Variants in BAIAP2L1 observed in about 807,000 individuals in gnomAD.
BAIAP2L1 encodes BAR/IMD domain containing adaptor protein 2 like 1, also known as BAR/IMD domain-containing adapter protein 2-like 1.
Under a neutral mutation model 66.3 loss-of-function variants are expected in BAIAP2L1, and 35 were observed. That is an observed-to-expected ratio of 0.53 (90% CI 0.40 to 0.70). The LOEUF (loss-of-function observed/expected upper bound fraction) is 0.70, where lower values mean the gene tolerates loss of function less well. BAIAP2L1 is among the 30% of genes least tolerant of loss of function. The pLI is 0.00. For missense variants in BAIAP2L1, 622 were observed against 656.9 expected (o/e 0.95, Z 0.58); for synonymous variants, 269 against 248.7 (o/e 1.08, Z -0.77).
intron 1 of BAIAP2L1, among the ~76,000 whole-genome samples, chr7:98,383,763 C>CA (rs1802819311): frequency 6.6e-6 from 1 of 151,876 alleles, no homozygotes; most frequent in African/African-American, 2.4e-5. Context: ...TTCAGGCTTT[C>CA]AAACACATAA....
chr7:98,398,779 C>T (rs1803280279), intron 1 of BAIAP2L1, among the ~76,000 whole-genome samples: 1 of 152,138 alleles, frequency 6.6e-6, no homozygotes, highest in Non-Finnish European at 1.5e-5. Context: ...AAGTCTACGT[C>T]AGGAAGAAGC....
chr7:98,343,042 C>T (rs1470741088), intron 3 of BAIAP2L1, among the ~76,000 whole-genome samples: 1 of 151,738 alleles, frequency 6.6e-6, no homozygotes, highest in African/African-American at 2.4e-5. Flanking sequence ...ACTTTAGGTA[C>T]ACCCACTGAC....
intron 1 of BAIAP2L1, among the ~76,000 whole-genome samples, chr7:98,394,136 G>A (rs1387169143): frequency 3.9e-5 from 6 of 151,930 alleles, no homozygotes; most frequent in South Asian, 2.1e-4. Context: ...CCAGCTACTC[G>A]GGAGGCTGAG....
At chr7:98,341,677 TCTC>T (rs1183099074) in intron 3 of BAIAP2L1, among the ~76,000 whole-genome samples, 1 of 152,110 alleles carries the variant, frequency 6.6e-6, no homozygotes, top group Non-Finnish European at 1.5e-5. Context: ...TGTACCTCAG[TCTC>T]CTCATCTATA....
At chr7:98,326,346 G>T (rs954875921) in intron 3 of BAIAP2L1, among the ~76,000 whole-genome samples, 1 of 152,182 alleles carries the variant, frequency 6.6e-6, no homozygotes, top group Non-Finnish European at 1.5e-5. Context: ...TAAGTGATAG[G>T]GTGAGCATTG....
Position 98,312,193 on chromosome 7 carries a change from CTCTGGCACTTT to C in BAIAP2L1, c.700_710del (p.Lys234GlufsTer34), listed in dbSNP as rs1402646950. 3 of 1,614,138 alleles carry C rather than the reference CTCTGGCACTTT, an allele frequency of 1.9e-6. No individual in the cohort carries two copies. The highest frequency in any genetic ancestry group is 1.7e-6 in the Non-Finnish European group (2 of 1,180,032). ...TTTCTTCGATCATATTCATGATTTT[CTCTGGCACTTT>C]GATGGCATCAACACAGGTCTCCTGC... On this transcript the variant is annotated frameshift_variant, in exon 8 of 14. Coordinates refer to ENST00000005260, the MANE Select transcript of BAIAP2L1 (RefSeq NM_018842.5). LOFTEE classifies it high-confidence loss of function.
At chr7:98,341,469 G>A (rs1801739224) in intron 3 of BAIAP2L1, among the ~76,000 whole-genome samples, 2 of 152,098 alleles carry the variant, frequency 1.3e-5, no homozygotes, top group African/African-American at 4.8e-5. Flanking sequence ...GACTGCTTCA[G>A]CCCAGGAGTT....
At chr7:98,309,684 C>G (rs1415507863) in intron 9 of BAIAP2L1, 2 of 152,274 alleles carry the variant, frequency 1.3e-5, no homozygotes, top group Non-Finnish European at 2.9e-5. Context: ...GTCCAGGGCT[C>G]TCTCTCACAA....
At chr7:98,293,939 A>G in intron 13 of BAIAP2L1, 135 bp downstream of exon 13, 1 of 1,024,076 alleles carries the variant, frequency 9.8e-7, no homozygotes, top group East Asian at 2.4e-5. Flanking sequence ...AGGGGGCTGC[A>G]CTCCCCCATG....
chr7:98,399,536 C>CACCA (rs973563415), intron 1 of BAIAP2L1, among the ~76,000 whole-genome samples: 4 of 152,152 alleles, frequency 2.6e-5, no homozygotes, highest in African/African-American at 7.2e-5. Flanking sequence ...AGATAAAACA[C>CACCA]ACCAACCAAC....
chr7:98,329,701 A>G (rs1801450333), intron 3 of BAIAP2L1, among the ~76,000 whole-genome samples: 1 of 140,470 alleles, frequency 7.1e-6, no homozygotes, highest in Non-Finnish European at 1.6e-5. Flanking sequence ...TCCTGTCTCA[A>G]GTAAAGGGAT....
chr7:98,303,224 A>ATCT (rs1024969190), intron 12 of BAIAP2L1, among the ~76,000 whole-genome samples: 9 of 152,196 alleles, frequency 5.9e-5, no homozygotes, highest in African/African-American at 2.2e-4. Flanking sequence ...ACATCTTAGA[A>ATCT]GCACATCCGT....
intron 3 of BAIAP2L1, among the ~76,000 whole-genome samples, chr7:98,343,986 C>G (rs1801811296): frequency 6.6e-6 from 1 of 152,190 alleles, no homozygotes. Flanking sequence ...CGAGACCATC[C>G]TGGCCAATAT....
chr7:98,362,306 C>T lies in BAIAP2L1; in HGVS notation c.127+51G>A, dbSNP rs747819597. The T allele has an allele frequency of 2.7e-5, 37 of 1,346,760 alleles. No homozygotes were observed. The South Asian group carries it at 4.5e-4, about 16-fold the overall frequency. The allele number at this position is 1,346,760 out of a possible 1,614,324, so 83.4% of individuals were successfully genotyped here. ...AATACTAAGCATTTAAAAATAATTACATATTTACTGAGTGGCTTTATATAT... is the reference window on the plus strand; with the variant it reads ...AATACTAAGCATTTAAAAATAATTATATATTTACTGAGTGGCTTTATATAT... On this transcript the variant is annotated intron_variant, in intron 2 of 13. Coordinates refer to ENST00000005260, the MANE Select transcript of BAIAP2L1 (RefSeq NM_018842.5).
chr7:98,362,562 G>T, intron 1 of BAIAP2L1, 130 bp from the exon 2 acceptor site: 2 of 700,846 alleles, frequency 2.9e-6, no homozygotes, highest in Non-Finnish European at 4.7e-6. Context: ...AATGAATGCT[G>T]ATGTAAAAAT....
At chr7:98,400,021 T>C (rs574276453) in intron 1 of BAIAP2L1, 1 of 152,052 alleles carries the variant, frequency 6.6e-6, no homozygotes, top group South Asian at 2.1e-4. Flanking sequence ...CCCCACATTC[T>C]TGGGCGCTTT....
chr7:98,336,062 G>A (rs1801609273), intron 3 of BAIAP2L1, among the ~76,000 whole-genome samples: 1 of 150,246 alleles, frequency 6.7e-6, no homozygotes, highest in African/African-American at 2.5e-5. Flanking sequence ...TCCAAATACC[G>A]CATATCTCAC....
chr7:98,320,376 C>T (rs1801210289), intron 3 of BAIAP2L1, 78 bp from the exon 4 acceptor site: 1 of 1,178,684 alleles, frequency 8.5e-7, no homozygotes, highest in Admixed American at 2.2e-5. Flanking sequence ...TGCTCTGTCG[C>T]CCAGGCTGGA....
chr7:98,400,714 G>GAGGGGAGCTGGAGGT, intron 1 of BAIAP2L1, 88 bp downstream of exon 1: 1 of 1,434,254 alleles, frequency 7.0e-7, no homozygotes, highest in Non-Finnish European at 9.6e-7. Flanking sequence ...GAGCTGGAGG[G>GAGGGGAGCTGGAGGT]AGGGAAAGTA....
Sources: allele counts gnomAD v4.1 joint callset (sites outside exome capture counted in the v4.1 genomes callset), GRCh38; gene constraint gnomAD v4.1.1; transcripts MANE v1.5; gene names NCBI Gene and HGNC (gene_info 2026-07-23, HGNC 2026-07-21).